Variants in SEMA3D observed in about 807,000 individuals in gnomAD.
SEMA3D encodes semaphorin 3D, also known as semaphorin-3D.
SEMA3D carries 84 observed loss-of-function variants against 100.1 expected under a neutral mutation model. The ratio of observed to expected loss-of-function variants is 0.84; its 90% CI spans 0.70 to 1.01. The LOEUF is 1.01. Among genes scored for constraint, SEMA3D ranks in the 50% least tolerant of loss-of-function variants. The pLI, the probability that SEMA3D is intolerant of heterozygous loss-of-function variation, is 0.00. For synonymous variants in SEMA3D, 312 were observed against 320.7 expected (o/e 0.97, Z 0.29); for missense variants, 875 against 934.1 (o/e 0.94, Z 0.82).
At chr7:85,085,057 G>A (rs754504265) in intron 4 of SEMA3D, among the ~76,000 whole-genome samples, 2 of 151,974 alleles carry the variant, frequency 1.3e-5, no homozygotes, top group Non-Finnish European at 2.9e-5. Flanking sequence ...TGGGCGTTTA[G>A]GTTGATTCCA....
rs557425813 is a variant in SEMA3D, at chr7:85,186,399, A to G, written c.-173+279T>C. On this transcript the variant is annotated intron_variant, in intron 1 of 18. Coordinates refer to ENST00000284136, the MANE Select transcript of SEMA3D (RefSeq NM_001384900.1). ...AACTTTGTGCAGTGCTGCCAGGCGGAGGCTCGTCAGAAGGCTCCGCAGCTG... is the reference window on the plus strand; with the variant it reads ...AACTTTGTGCAGTGCTGCCAGGCGGGGGCTCGTCAGAAGGCTCCGCAGCTG... Among the ~76,000 whole-genome samples, 4 of 152,198 alleles carry G rather than the reference A, an allele frequency of 2.6e-5. No individual in the cohort carries two copies. In the South Asian group the frequency reaches 8.3e-4, roughly 32 times the overall value.
At chr7:85,027,661 A>G (rs574185119) in intron 12 of SEMA3D, among the ~76,000 whole-genome samples, 3 of 152,034 alleles carry the variant, frequency 2.0e-5, no homozygotes, top group Non-Finnish European at 4.4e-5. Flanking sequence ...ACCATGGAAG[A>G]CAGGAAGAAG....
intron 5 of SEMA3D, among the ~76,000 whole-genome samples, chr7:85,080,151 TTTG>T (rs1299686698): frequency 6.6e-6 from 1 of 152,146 alleles, no homozygotes; most frequent in Non-Finnish European, 1.5e-5. Context: ...TCACTACAAG[TTTG>T]TTTTGTTTCA....
intron 4 of SEMA3D, among the ~76,000 whole-genome samples, chr7:85,095,560 G>A (rs762882540): frequency 6.6e-6 from 1 of 152,028 alleles, no homozygotes; most frequent in African/African-American, 2.4e-5. Flanking sequence ...GATCTTTGCC[G>A]AGGGGCACTG....
chr7:85,077,847 T>C (rs1385931765), intron 5 of SEMA3D, among the ~76,000 whole-genome samples: 1 of 152,158 alleles, frequency 6.6e-6, no homozygotes, highest in Non-Finnish European at 1.5e-5. Context: ...AGTAAAAGTC[T>C]ACTCAATAAT....
At chr7:85,196,635 C>T in the SEMA3D span, among the ~76,000 whole-genome samples, 1 of 152,096 alleles carries the variant, frequency 6.6e-6, no homozygotes, top group South Asian at 2.1e-4. Context: ...CTAGTAGAAA[C>T]AGGGAATAAA....
chr7:85,241,352 T>C, the SEMA3D span, among the ~76,000 whole-genome samples: 3 of 151,302 alleles, frequency 2.0e-5, no homozygotes, highest in Non-Finnish European at 2.9e-5. Context: ...GAAGTTATTA[T>C]ACAAAAAAGA....
chr7:85,105,361 G>C (rs552020976), intron 3 of SEMA3D, among the ~76,000 whole-genome samples: 2 of 151,872 alleles, frequency 1.3e-5, no homozygotes, highest in Non-Finnish European at 2.9e-5. Flanking sequence ...TTTAACATTG[G>C]GAAAATTAGC....
At chr7:85,185,338 C>A (rs1791510131) in intron 1 of SEMA3D, among the ~76,000 whole-genome samples, 1 of 151,886 alleles carries the variant, frequency 6.6e-6, no homozygotes, top group African/African-American at 2.4e-5. Context: ...CTCGTCTCTG[C>A]GCGCCCCCAC....
chr7:85,037,797 GA>G (rs1476317670), intron 11 of SEMA3D, among the ~76,000 whole-genome samples: 1 of 151,996 alleles, frequency 6.6e-6, no homozygotes, highest in African/African-American at 2.4e-5. Context: ...ACACTATTCA[GA>G]TGTCTTTTTT....
intron 18 of SEMA3D, among the ~76,000 whole-genome samples, chr7:85,005,784 G>T (rs1245692310): frequency 6.6e-6 from 1 of 151,892 alleles, no homozygotes; most frequent in East Asian, 1.9e-4. Context: ...CACCCACCCA[G>T]CTGTGATGTT....
chr7:85,106,275 T>C (rs1788916765), intron 3 of SEMA3D, among the ~76,000 whole-genome samples: 2 of 152,214 alleles, frequency 1.3e-5, no homozygotes, highest in South Asian at 4.1e-4. Flanking sequence ...TTACAAAGAA[T>C]GTTTAAAATT....
chr7:84,995,725 A>G lies in SEMA3D; in HGVS notation c.*3715T>C, dbSNP rs533574369. On this transcript the variant is annotated 3_prime_UTR_variant, in exon 19 of 19. Transcript: ENST00000284136. ...CACAATACCAGAATTAAATTACATG[A>G]TTAACTAGGGCATCTGACACATTTT... 1 of 152,040 alleles carries G rather than the reference A, an allele frequency of 6.6e-6. No homozygotes were observed. Among genetic ancestry groups the G allele is most frequent in the Admixed American group, 6.6e-5 (1 of 15,266 alleles). 9.4% of individuals were successfully genotyped at this position (152,040 alleles called of 1,614,324 possible).
intron 8 of SEMA3D, among the ~76,000 whole-genome samples, chr7:85,061,039 T>G (rs1791464125): frequency 6.6e-6 from 1 of 152,196 alleles, no homozygotes; most frequent in African/African-American, 2.4e-5. Context: ...CACCCTAGTT[T>G]GCATCTATAT....
At chr7:85,057,656 G>T (rs1791359439) in intron 8 of SEMA3D, among the ~76,000 whole-genome samples, 1 of 152,126 alleles carries the variant, frequency 6.6e-6, no homozygotes, top group Admixed American at 6.6e-5. Flanking sequence ...GTTGGGGCTG[G>T]GTGTGGTGGC....
At chr7:85,241,818 T>C in the SEMA3D span, among the ~76,000 whole-genome samples, 3 of 151,904 alleles carry the variant, frequency 2.0e-5, no homozygotes, top group African/African-American at 4.8e-5. Flanking sequence ...CAAAAACCTA[T>C]GGAAATAAAA....
At chr7:85,220,956 C>A in the SEMA3D span, among the ~76,000 whole-genome samples, 1 of 152,100 alleles carries the variant, frequency 6.6e-6, no homozygotes, top group Non-Finnish European at 1.5e-5. Flanking sequence ...GTGAATAACT[C>A]AGAGCAGTAA....
intron 1 of SEMA3D, among the ~76,000 whole-genome samples, chr7:85,180,176 G>A (rs1047628640): frequency 6.6e-6 from 1 of 152,180 alleles, no homozygotes; most frequent in African/African-American, 2.4e-5. Flanking sequence ...CATGTGAGGT[G>A]ACTAGGTCAT....
At chr7:85,062,113 G>A (rs1312915991) in intron 8 of SEMA3D, among the ~76,000 whole-genome samples, 3 of 152,164 alleles carry the variant, frequency 2.0e-5, no homozygotes, top group South Asian at 2.1e-4. Context: ...TATCAGGGGC[G>A]AGATACACAT....
Sources: allele counts gnomAD v4.1 joint callset (sites outside exome capture counted in the v4.1 genomes callset), GRCh38; gene constraint gnomAD v4.1.1; transcripts MANE v1.5; gene names NCBI Gene and HGNC (gene_info 2026-07-23, HGNC 2026-07-21).